SGCZ: variants seen among roughly 807,000 people sequenced by gnomAD.
SGCZ encodes sarcoglycan zeta, also known as zeta-sarcoglycan.
In SGCZ, 40 loss-of-function variants were observed where a neutral mutation model predicts 41.3. That is an observed-to-expected ratio of 0.97 (90% CI 0.75 to 1.26). The LOEUF is 1.26. SGCZ is among the 50% of genes most tolerant of loss of function. The pLI is 0.00. For missense variants in SGCZ, 552 were observed against 369.8 expected (o/e 1.49, Z -4.04); for synonymous variants, 206 against 137.5 (o/e 1.50, Z -3.49).
chr8:14,395,860 C>G lies in SGCZ; in HGVS notation c.235-71656G>C, dbSNP rs542963264. The stretch of plus-strand genomic sequence containing the variant: ...GTGGCTTCCAATACATGTGGAATCA[C>G]TACTTAAAGTTACTGCAAAAAGTAT... On this transcript the variant is annotated intron_variant, in intron 2 of 7. Transcript: ENST00000382080. 2.4e-4 allele frequency among the ~76,000 whole-genome samples: 37 copies of G among 151,838 alleles called. No homozygotes were observed. The South Asian group carries it at 7.0e-3, about 29-fold the overall frequency.
chr8:14,869,211 C>T (rs1334188210), intron 1 of SGCZ, among the ~76,000 whole-genome samples: 1 of 152,166 alleles, frequency 6.6e-6, no homozygotes, highest in Non-Finnish European at 1.5e-5. Flanking sequence ...CAAACTGAAT[C>T]CAGTGGCACA....
intron 1 of SGCZ, among the ~76,000 whole-genome samples, chr8:14,993,207 C>A (rs1220377601): frequency 1.3e-5 from 2 of 152,168 alleles, no homozygotes; most frequent in African/African-American, 2.4e-5. Context: ...CGAAGAGTAA[C>A]CTTTGCCCAT....
At chr8:14,130,179 T>C (rs1031939601) in intron 5 of SGCZ, among the ~76,000 whole-genome samples, 1 of 151,982 alleles carries the variant, frequency 6.6e-6, no homozygotes, top group Non-Finnish European at 1.5e-5. Flanking sequence ...CTCACAAATA[T>C]ATGGCCAACT....
rs75711601 is a variant in SGCZ at position 14,216,893 on chromosome 8, A to T, written c.424+20699T>A. Among the ~76,000 whole-genome samples, 958 of 152,320 alleles carry T rather than the reference A, an allele frequency of 6.3e-3. 7 individuals are homozygous for T. The highest frequency in any genetic ancestry group is 0.022 in the African/African-American group (906 of 41,572). Reference sequence around the variant, plus strand: ...ATAAGGCAAGGAAAAGTCTGGGGGTAGGAGCAAAAAGATGTAGCACAAGAG... The same window carrying T: ...ATAAGGCAAGGAAAAGTCTGGGGGTTGGAGCAAAAAGATGTAGCACAAGAG... On this transcript the variant is annotated intron_variant, in intron 4 of 7. Coordinates refer to ENST00000382080, the MANE Select transcript of SGCZ (RefSeq NM_139167.4).
chr8:14,287,918 G>C (rs999105830), intron 3 of SGCZ, among the ~76,000 whole-genome samples: 1 of 152,064 alleles, frequency 6.6e-6, no homozygotes, highest in Non-Finnish European at 1.5e-5. Context: ...ATGTATTTTA[G>C]AGGGACTATA....
intron 2 of SGCZ, among the ~76,000 whole-genome samples, chr8:14,482,089 T>G (rs775992212): frequency 3.9e-5 from 6 of 152,120 alleles, no homozygotes; most frequent in Non-Finnish European, 7.3e-5. Context: ...AGGTAGGAAC[T>G]AGACAAAGAA....
At chr8:14,240,854 C>T (rs762578227) in intron 3 of SGCZ, among the ~76,000 whole-genome samples, 2 of 152,128 alleles carry the variant, frequency 1.3e-5, no homozygotes, top group East Asian at 3.9e-4. Context: ...TACACACTAT[C>T]CACTCAGTAC....
intron 1 of SGCZ, among the ~76,000 whole-genome samples, chr8:14,884,441 A>G (rs778084920): frequency 1.1e-4 from 16 of 152,278 alleles, no homozygotes; most frequent in Non-Finnish European, 1.0e-4. Context: ...GCTATAAATA[A>G]ATAGAATCCT....
intron 2 of SGCZ, among the ~76,000 whole-genome samples, chr8:14,375,175 A>G (rs1276017198): frequency 6.6e-6 from 1 of 152,198 alleles, no homozygotes; most frequent in Non-Finnish European, 1.5e-5. Flanking sequence ...TGTGATAAGA[A>G]GTGCAATGAA....
At chr8:14,794,153 T>A (rs1327655901) in intron 1 of SGCZ, among the ~76,000 whole-genome samples, 3 of 152,172 alleles carry the variant, frequency 2.0e-5, no homozygotes, top group Non-Finnish European at 4.4e-5. Flanking sequence ...TTATACCAGC[T>A]ACAGTCTTCT....
chr8:14,176,078 T>C (rs1196723673), intron 4 of SGCZ, among the ~76,000 whole-genome samples: 6 of 152,082 alleles, frequency 3.9e-5, no homozygotes, highest in Non-Finnish European at 7.4e-5. Flanking sequence ...CAAAAAGAAA[T>C]TGTCAAATCC....
intron 2 of SGCZ, among the ~76,000 whole-genome samples, chr8:14,350,854 G>A (rs1388386933): frequency 6.6e-6 from 1 of 152,000 alleles, no homozygotes; most frequent in Non-Finnish European, 1.5e-5. Context: ...TTATTGTATC[G>A]TTTAAACATA....
intron 2 of SGCZ, among the ~76,000 whole-genome samples, chr8:14,355,659 GA>G: frequency 6.6e-6 from 1 of 151,842 alleles, no homozygotes; most frequent in South Asian, 2.1e-4. Flanking sequence ...AAAACCTTGG[GA>G]AAATGATAAA....
At chr8:15,140,418 T>A (rs1808276933) in intron 1 of SGCZ, among the ~76,000 whole-genome samples, 1 of 152,156 alleles carries the variant, frequency 6.6e-6, no homozygotes, top group African/African-American at 2.4e-5. Flanking sequence ...TATGCTATCT[T>A]TGGTTAAATT....
chr8:14,107,816 T>G (rs1048035176), intron 6 of SGCZ, among the ~76,000 whole-genome samples: 1 of 152,016 alleles, frequency 6.6e-6, no homozygotes, highest in African/African-American at 2.4e-5. Flanking sequence ...TTTGTTTTTA[T>G]TTTCTATTTT....
rs1468603383 is a variant in SGCZ at position 14,344,948 on chromosome 8, C to A, written c.235-20744G>T. On this transcript the variant is annotated intron_variant, in intron 2 of 7. Coordinates refer to ENST00000382080, the MANE Select transcript of SGCZ (RefSeq NM_139167.4). ...TTTCTACGATACAACTAATTTAGGG[C>A]AAAATTTTGACAGTAATTTCACTTG... Among the ~76,000 whole-genome samples the A allele has an allele frequency of 2.6e-5, 4 of 151,734 alleles. No homozygotes were observed. The East Asian group carries it at 7.7e-4, about 29-fold the overall frequency.
At chr8:15,055,798 T>C (rs941946948) in intron 1 of SGCZ, among the ~76,000 whole-genome samples, 1 of 152,150 alleles carries the variant, frequency 6.6e-6, no homozygotes, top group African/African-American at 2.4e-5. Flanking sequence ...TCACTGTCCT[T>C]GAGGTGCATT....
At chr8:14,235,073 C>G (rs533210284) in intron 4 of SGCZ, among the ~76,000 whole-genome samples, 3 of 152,218 alleles carry the variant, frequency 2.0e-5, no homozygotes, top group Middle Eastern at 3.4e-3. Flanking sequence ...CTGACAACAC[C>G]ATACTTCTTA....
At chr8:14,497,931 C>A (rs562332128) in intron 2 of SGCZ, among the ~76,000 whole-genome samples, 1 of 152,170 alleles carries the variant, frequency 6.6e-6, no homozygotes, top group Non-Finnish European at 1.5e-5. Flanking sequence ...CATTTACTTT[C>A]CCATCCATTG....
Sources: allele counts gnomAD v4.1 joint callset (sites outside exome capture counted in the v4.1 genomes callset), GRCh38; gene constraint gnomAD v4.1.1; transcripts MANE v1.5; gene names NCBI Gene and HGNC (gene_info 2026-07-23, HGNC 2026-07-21).